Variants in MAGI2 observed in about 807,000 individuals in gnomAD.
MAGI2 encodes membrane associated guanylate kinase, WW and PDZ domain containing 2.
Under a neutral mutation model 133.3 loss-of-function variants are expected in MAGI2, and 35 were observed. That is an observed-to-expected ratio of 0.26 (90% CI 0.20 to 0.35). The LOEUF (loss-of-function observed/expected upper bound fraction) is 0.35, where lower values mean the gene tolerates loss of function less well. MAGI2 is among the 10% of genes least tolerant of loss of function. The pLI is 1.00. For missense variants in MAGI2, 1,636 were observed against 1,863.4 expected, an observed-to-expected ratio of 0.88 and a Z score of 2.25; for synonymous variants, 729 against 710.6, an observed-to-expected ratio of 1.03 and a Z score of -0.41.
chr7:79,042,008 A>G (rs943544250), intron 1 of MAGI2, among the ~76,000 whole-genome samples: 2 of 152,190 alleles, frequency 1.3e-5, no homozygotes, highest in African/African-American at 2.4e-5. Context: ...CTTCACCAAT[A>G]TTAAAATCTT....
At chr7:78,843,903 T>C (rs1477985704) in intron 2 of MAGI2, among the ~76,000 whole-genome samples, 1 of 150,570 alleles carries the variant, frequency 6.6e-6, no homozygotes, top group African/African-American at 2.4e-5. Flanking sequence ...ATGCAGATTT[T>C]GAGGCAGCTT....
At chr7:78,231,934 G>GTT (rs34344680) in intron 10 of MAGI2, among the ~76,000 whole-genome samples, 31 of 151,266 alleles carry the variant, frequency 2.0e-4, no homozygotes, top group Admixed American at 5.9e-4. Context: ...AACCAAGAGG[G>GTT]TTTTTTTTCC....
At chr7:78,833,175 C>A (rs181343570) in intron 2 of MAGI2, among the ~76,000 whole-genome samples, 14 of 152,268 alleles carry the variant, frequency 9.2e-5, no homozygotes, top group African/African-American at 2.6e-4. Context: ...GACTGTGTTT[C>A]TGTTTTAAGG....
chr7:78,810,122 A>G (rs1330027797), intron 2 of MAGI2, among the ~76,000 whole-genome samples: 1 of 152,136 alleles, frequency 6.6e-6, no homozygotes. Context: ...TTTCTTTTTT[A>G]GGAAAGGCTG....
chr7:78,769,669 C>G (rs1825385193), intron 2 of MAGI2, among the ~76,000 whole-genome samples: 1 of 152,292 alleles, frequency 6.6e-6, no homozygotes, highest in South Asian at 2.1e-4. Flanking sequence ...CCATTTTTCA[C>G]TAGGTTCACA....
chr7:79,290,799 C>T (rs541885383), intron 1 of MAGI2, among the ~76,000 whole-genome samples: 42 of 152,192 alleles, frequency 2.8e-4, no homozygotes, highest in Admixed American at 1.6e-3. Flanking sequence ...GAGGAATCTT[C>T]TGGAAAATAT....
At chr7:79,163,538 A>T (rs1018390965) in intron 1 of MAGI2, among the ~76,000 whole-genome samples, 14 of 152,112 alleles carry the variant, frequency 9.2e-5, no homozygotes, top group African/African-American at 3.4e-4. Context: ...CCTCCTCAGG[A>T]TGTCATACCT....
chr7:78,253,287 C>T (rs986318351), intron 10 of MAGI2: 2 of 152,118 alleles, frequency 1.3e-5, no homozygotes, highest in African/African-American at 2.4e-5. Flanking sequence ...CTCTCACCAG[C>T]ATTAAGCTAA....
chr7:78,151,034 C>T (rs559180326), intron 16 of MAGI2, among the ~76,000 whole-genome samples: 49 of 142,794 alleles, frequency 3.4e-4, no homozygotes, highest in African/African-American at 1.2e-3. Flanking sequence ...TATCAGGGGA[C>T]TTGGAGTTTG....
At chr7:78,823,606 A>G (rs1022342217) in intron 2 of MAGI2, among the ~76,000 whole-genome samples, 3 of 151,142 alleles carry the variant, frequency 2.0e-5, no homozygotes, top group Admixed American at 6.6e-5. Flanking sequence ...AAAAAAAGAA[A>G]TACGACACTG....
In MAGI2 at chr7:78,019,893, G is replaced by C. The variant is rs1477500600; in HGVS notation, c.3790C>G (p.Pro1264Ala). 3.1e-6 allele frequency: 5 copies of C among 1,611,578 alleles called. No homozygotes were observed. The highest frequency in any genetic ancestry group is 1.3e-5 in the African/African-American group (1 of 74,856). Reference sequence around the variant, plus strand: ...GGGGCTGGATGTGATGGAGAGAATGGAGCGAGGCCGTCGTCCAGGGAGACG... The same window carrying C: ...GGGGCTGGATGTGATGGAGAGAATGCAGCGAGGCCGTCGTCCAGGGAGACG... The part of the protein sequence containing the change: ...VGVSLDDGLA[P>A]FSPSHPAPPS... The change falls in exon 22 of 22, where the codon CCA becomes GCA. Residue 1264 changes from proline (P) to alanine (A), a missense_variant. Around this residue, in one of 5 missense-constraint regions of MAGI2, gnomAD observed 354 missense variants for 298.7 expected, o/e 1.19. Coordinates refer to ENST00000354212, the MANE Select transcript of MAGI2 (RefSeq NM_012301.4).
intron 1 of MAGI2, among the ~76,000 whole-genome samples, chr7:79,178,607 G>A (rs985479811): frequency 2.0e-5 from 3 of 151,574 alleles, no homozygotes; most frequent in African/African-American, 7.3e-5. Flanking sequence ...AGCTACTCAG[G>A]AGGCTGAGAC....
intron 3 of MAGI2, among the ~76,000 whole-genome samples, chr7:78,582,371 C>T (rs1802925501): frequency 6.6e-6 from 1 of 152,070 alleles, no homozygotes; most frequent in African/African-American, 2.4e-5. Flanking sequence ...AGAAAGTCAC[C>T]AACTGAGATC....
At position 78,668,575 on chromosome 7, in the gene MAGI2, G is replaced by T. The variant is rs865889818; in HGVS notation, c.419-41336C>A. 7.8e-4 allele frequency among the ~76,000 whole-genome samples: 119 copies of T among 151,694 alleles called. 3 individuals are homozygous for T. Among genetic ancestry groups the T allele is most frequent in the Middle Eastern group, 6.8e-3 (2 of 294 alleles). On this transcript the variant is annotated intron_variant, in intron 2 of 21. Transcript: ENST00000354212. ...CATCTTGAATTAATTTTTGTATAAG[G>T]TGTAAGGAAGGGATCCAGTTTCAGC... is the stretch of plus-strand genomic sequence containing the variant.
chr7:78,537,623 CTTGGCCAT>C (rs1798065742), intron 3 of MAGI2, among the ~76,000 whole-genome samples: 1 of 152,042 alleles, frequency 6.6e-6, no homozygotes, highest in Non-Finnish European at 1.5e-5. Context: ...TTTCATGTTT[CTTGGCCAT>C]TTGTATATCT....
At chr7:79,104,950 T>C (rs1448023406) in intron 1 of MAGI2, among the ~76,000 whole-genome samples, 1 of 152,218 alleles carries the variant, frequency 6.6e-6, no homozygotes, top group Non-Finnish European at 1.5e-5. Context: ...CTCCTGTCTT[T>C]TAAATCCTTG....
chr7:78,938,219 C>T (rs549831113), intron 2 of MAGI2, among the ~76,000 whole-genome samples: 64 of 152,008 alleles, frequency 4.2e-4, no homozygotes, highest in African/African-American at 1.4e-3. Context: ...AAACTCTTAA[C>T]GGCAAATCTG....
intron 6 of MAGI2, among the ~76,000 whole-genome samples, chr7:78,382,123 G>C (rs918769765): frequency 1.3e-5 from 2 of 152,094 alleles, no homozygotes; most frequent in African/African-American, 4.8e-5. Flanking sequence ...AATCTGTGAA[G>C]AAAGTCTCTA....
intron 9 of MAGI2, among the ~76,000 whole-genome samples, chr7:78,277,214 G>A (rs2151001506): frequency 6.6e-6 from 1 of 152,168 alleles, no homozygotes; most frequent in East Asian, 1.9e-4. Flanking sequence ...TGATCTTAAA[G>A]TATAGTAAAC....
Sources: allele counts gnomAD v4.1 joint callset (sites outside exome capture counted in the v4.1 genomes callset), GRCh38; gene constraint gnomAD v4.1.1; regional missense constraint gnomAD v4.1.1; transcripts MANE v1.5; gene names NCBI Gene and HGNC (gene_info 2026-07-23, HGNC 2026-07-21).